CACNA2D3: variants seen among roughly 807,000 people sequenced by gnomAD.
CACNA2D3 encodes the protein voltage-dependent calcium channel subunit alpha-2/delta-3.
A neutral mutation model predicts 160.6 loss-of-function variants in CACNA2D3; 60 were observed. The observed-to-expected ratio is 0.37, with a 90% confidence interval of 0.30 to 0.46. The LOEUF is 0.46. Ranked by LOEUF, CACNA2D3 falls within the 20% of genes least tolerant of loss-of-function variation. The pLI, the probability that CACNA2D3 is intolerant of heterozygous loss-of-function variation, is 1.00. For missense variants in CACNA2D3, 1,205 were observed against 1,365.0 expected, an observed-to-expected ratio of 0.88 and a Z score of 1.85; for synonymous variants, 558 against 492.9, an observed-to-expected ratio of 1.13 and a Z score of -1.75.
chr3:54,550,562 G>A (rs1156943437), intron 5 of CACNA2D3, among the ~76,000 whole-genome samples: 1 of 152,240 alleles, frequency 6.6e-6, no homozygotes. Flanking sequence ...GAGACAGACG[G>A]GAAGAATGGC....
intron 4 of CACNA2D3, among the ~76,000 whole-genome samples, chr3:54,430,581 T>C (rs146809396): frequency 1.2e-4 from 19 of 152,338 alleles, no homozygotes; most frequent in Non-Finnish European, 2.5e-4. Context: ...GTGATTTGGT[T>C]GCTTGATGGG....
chr3:54,279,142 A>G (rs566178743), intron 2 of CACNA2D3, among the ~76,000 whole-genome samples: 1 of 152,338 alleles, frequency 6.6e-6, no homozygotes, highest in East Asian at 1.9e-4. Flanking sequence ...GTGAGGCTCC[A>G]ACGATGGAGA....
chr3:54,199,563 G>A (rs986824409), intron 2 of CACNA2D3, among the ~76,000 whole-genome samples: 1 of 151,760 alleles, frequency 6.6e-6, no homozygotes, highest in Non-Finnish European at 1.5e-5. Flanking sequence ...TGTAGAGACA[G>A]GGTTTTGCCA....
Position 55,074,510 on chromosome 3 carries a change from C to A in CACNA2D3, c.*304C>A, listed in dbSNP as rs889381642. 2.6e-5 allele frequency: 8 copies of A among 311,694 alleles called. No individual in the cohort carries two copies. Among genetic ancestry groups the A allele is most frequent in the Non-Finnish European group, 4.8e-5 (8 of 167,814 alleles). 19.3% of individuals were successfully genotyped at this position (311,694 alleles called of 1,614,324 possible). A position where few individuals can be genotyped will look rare whatever the true frequency, so the allele number is the denominator to read the frequency against. On this transcript the variant is annotated 3_prime_UTR_variant, in exon 38 of 38. Transcript: ENST00000474759. Reference sequence around the variant, plus strand: ...CCCTTCTGCTTGAAACCTATTGAAACCAATTTAAAACTGTGTACTTTTTAA... The same window carrying A: ...CCCTTCTGCTTGAAACCTATTGAAAACAATTTAAAACTGTGTACTTTTTAA...
intron 2 of CACNA2D3, among the ~76,000 whole-genome samples, chr3:54,251,375 T>C (rs777825322): frequency 4.6e-5 from 7 of 152,214 alleles, no homozygotes; most frequent in Non-Finnish European, 8.8e-5. Flanking sequence ...AAAGTCTATG[T>C]ATTTGTATTT....
At chr3:54,734,365 A>G (rs1270684890) in intron 11 of CACNA2D3, among the ~76,000 whole-genome samples, 1 of 152,150 alleles carries the variant, frequency 6.6e-6, no homozygotes, top group Non-Finnish European at 1.5e-5. Flanking sequence ...GGCCTCACAC[A>G]AGGGTAGAGC....
chr3:55,027,537 C>T (rs1482351302), intron 35 of CACNA2D3, among the ~76,000 whole-genome samples: 2 of 152,168 alleles, frequency 1.3e-5, no homozygotes, highest in Admixed American at 1.3e-4. Flanking sequence ...TGCTTTACAT[C>T]TAATTCGCAT....
At chr3:54,183,229 T>TTTTTG (rs11437832) in intron 2 of CACNA2D3, among the ~76,000 whole-genome samples, 8 of 145,662 alleles carry the variant, frequency 5.5e-5, no homozygotes, top group East Asian at 2.0e-4. Flanking sequence ...TTTTTTTTTT[T>TTTTTG]CTATTCAGAA....
chr3:54,632,310 G>A (rs1462301842), intron 10 of CACNA2D3: 1 of 152,106 alleles, frequency 6.6e-6, no homozygotes, highest in Non-Finnish European at 1.5e-5. Context: ...CTTTCCATGT[G>A]TTTGGGAAAA....
intron 3 of CACNA2D3, among the ~76,000 whole-genome samples, chr3:54,377,323 A>G (rs1699029155): frequency 6.6e-6 from 1 of 152,216 alleles, no homozygotes; most frequent in Non-Finnish European, 1.5e-5. Flanking sequence ...TTTGAACACA[A>G]GATTTGGAGT....
At chr3:54,946,707 T>C (rs776377264) in intron 27 of CACNA2D3, among the ~76,000 whole-genome samples, 3 of 152,052 alleles carry the variant, frequency 2.0e-5, no homozygotes, top group Non-Finnish European at 4.4e-5. Context: ...AGCATGTTGC[T>C]TTGCTCACTT....
chr3:54,289,458 A>G (rs1703124798), intron 2 of CACNA2D3, among the ~76,000 whole-genome samples: 2 of 152,138 alleles, frequency 1.3e-5, no homozygotes, highest in African/African-American at 4.8e-5. Flanking sequence ...GGAAGAATCA[A>G]TATCGTGAAA....
chr3:54,543,252 G>A (rs142612813), intron 5 of CACNA2D3, among the ~76,000 whole-genome samples: 191 of 152,336 alleles, frequency 1.3e-3, no homozygotes, highest in Non-Finnish European at 1.7e-3. Flanking sequence ...AAAGGTCGGA[G>A]GGTGGCGTTA....
At chr3:54,265,616 A>ATATATATAGTGTG (rs1559901351) in intron 2 of CACNA2D3, among the ~76,000 whole-genome samples, 2 of 143,100 alleles carry the variant, frequency 1.4e-5, no homozygotes, top group African/African-American at 5.4e-5. Context: ...TATAGTGTGT[A>ATATATATAGTGTG]TATATATATA....
chr3:54,987,593 C>A, intron 30 of CACNA2D3, 90 bp from the exon 31 acceptor site: 1 of 804,548 alleles, frequency 1.2e-6, no homozygotes, highest in Non-Finnish European at 2.0e-6. Context: ...CTGTCAGTTC[C>A]AGGACACAGA....
chr3:54,549,730 C>A (rs570677540), intron 5 of CACNA2D3, among the ~76,000 whole-genome samples: 1 of 152,200 alleles, frequency 6.6e-6, no homozygotes, highest in South Asian at 2.1e-4. Flanking sequence ...AATTGCTACA[C>A]GCATTTGTAC....
intron 11 of CACNA2D3, among the ~76,000 whole-genome samples, chr3:54,693,249 G>A (rs1700600706): frequency 6.6e-6 from 1 of 152,210 alleles, no homozygotes; most frequent in Non-Finnish European, 1.5e-5. Flanking sequence ...GTGAAATACA[G>A]TCATGCTCTG....
At chr3:54,150,782 G>C (rs1003256990) in intron 2 of CACNA2D3, among the ~76,000 whole-genome samples, 6 of 152,182 alleles carry the variant, frequency 3.9e-5, no homozygotes, top group African/African-American at 1.4e-4. Flanking sequence ...TCTAAGAGGA[G>C]ATAACTCTTG....
At chr3:54,140,593 A>C (rs1280469752) in intron 2 of CACNA2D3, among the ~76,000 whole-genome samples, 2 of 152,216 alleles carry the variant, frequency 1.3e-5, no homozygotes, top group African/African-American at 4.8e-5. Flanking sequence ...ATGCAAATGC[A>C]GTTGGGAGTC....
Sources: gnomAD v4.1 joint callset for allele counts (sites outside exome capture counted in the v4.1 genomes callset) on GRCh38, gnomAD v4.1.1 for gene constraint, MANE v1.5 for transcripts, NCBI Gene and HGNC (gene_info 2026-07-23, HGNC 2026-07-21) for gene names.